Variants in CYYR1 observed in about 807,000 individuals in gnomAD.
CYYR1 encodes the protein cysteine and tyrosine rich 1, also known as cysteine and tyrosine-rich protein 1.
A neutral mutation model predicts 15.2 loss-of-function variants in CYYR1; 14 were observed. The ratio of observed to expected loss-of-function variants is 0.92; its 90% CI spans 0.61 to 1.44. The LOEUF is 1.44. Ranked by LOEUF, CYYR1 falls within the 40% of genes most tolerant of loss-of-function variation. The pLI, the probability that CYYR1 is intolerant of heterozygous loss-of-function variation, is 0.00. For missense variants in CYYR1, 228 were observed against 209.5 expected, an observed-to-expected ratio of 1.09 and a Z score of -0.54; for synonymous variants, 80 against 77.4, an observed-to-expected ratio of 1.03 and a Z score of -0.18.
intron 2 of CYYR1, among the ~76,000 whole-genome samples, chr21:26,512,831 AACCCCTAATGCATATGAATGGG>A (rs998381018): frequency 9.2e-5 from 14 of 152,220 alleles, no homozygotes; most frequent in African/African-American, 2.9e-4. Context: ...AAGGTTGACC[AACCCCTAATGCATATGAATGGG>A]ACCCCTGGAG....
intron 2 of CYYR1, among the ~76,000 whole-genome samples, chr21:26,511,413 C>G (rs576893262): frequency 6.6e-6 from 1 of 152,246 alleles, no homozygotes; most frequent in South Asian, 2.1e-4. Flanking sequence ...GTCATTGGCT[C>G]ACATAGTTCT....
intron 2 of CYYR1, among the ~76,000 whole-genome samples, chr21:26,533,487 A>G (rs1287181903): frequency 6.6e-6 from 1 of 152,100 alleles, no homozygotes; most frequent in Non-Finnish European, 1.5e-5. Flanking sequence ...TGAATGTCCC[A>G]GCTCAGATAG....
intron 1 of CYYR1, among the ~76,000 whole-genome samples, chr21:26,569,468 A>C (rs1251266774): frequency 1.3e-5 from 2 of 152,178 alleles, no homozygotes; most frequent in African/African-American, 2.4e-5. Context: ...GGGAGGGTTG[A>C]AAAACTAACT....
At chr21:26,516,987 C>A (rs1601780798) in intron 2 of CYYR1, among the ~76,000 whole-genome samples, 1 of 149,906 alleles carries the variant, frequency 6.7e-6, no homozygotes, top group East Asian at 1.9e-4. Flanking sequence ...TGGTAGCGGG[C>A]GCCTGTAGTC....
chr21:26,514,700 A>G (rs1442872530), intron 2 of CYYR1, among the ~76,000 whole-genome samples: 3 of 152,214 alleles, frequency 2.0e-5, no homozygotes, highest in Non-Finnish European at 4.4e-5. Context: ...AGAGGGAACT[A>G]ACTTATTTTG....
At chr21:26,527,257 T>C (rs539725513) in intron 2 of CYYR1, among the ~76,000 whole-genome samples, 2 of 152,310 alleles carry the variant, frequency 1.3e-5, no homozygotes, top group South Asian at 2.1e-4. Context: ...CCAAAATAAG[T>C]AGTCTCATCA....
chr21:26,544,680 G>C (rs113366926), intron 2 of CYYR1, among the ~76,000 whole-genome samples: 48 of 152,280 alleles, frequency 3.2e-4, no homozygotes, highest in African/African-American at 1.1e-3. Context: ...AAAGAGAATT[G>C]TATTAAAATT....
At chr21:26,522,293 A>T (rs2065812971) in intron 2 of CYYR1, among the ~76,000 whole-genome samples, 1 of 152,170 alleles carries the variant, frequency 6.6e-6, no homozygotes, top group African/African-American at 2.4e-5. Context: ...AAGTCCCTAA[A>T]ATTATTCGCA....
chr21:26,566,293 T>G lies in CYYR1; in HGVS notation c.149A>C (p.Tyr50Ser). Reference protein sequence around the residue: ...CDGTTPYCCSYYAYIGNILSG... With the variant: ...CDGTTPYCCSSYAYIGNILSG... ...GAGGATATTCCCAATATAAGCGTAG[T>G]AGGAGCAACAGTAGGGCGTGGTTCC... is the stretch of plus-strand genomic sequence containing the variant. The change falls in exon 2 of 4, where the codon TAC (tyrosine) becomes TCC (serine). Residue 50 changes from tyrosine (Y) to serine (S), a missense_variant. By Grantham distance (144) the Tyr-to-Ser change is moderately radical (BLOSUM62 -2). Transcript: ENST00000652641. The G allele has an allele frequency of 6.2e-7, 1 of 1,613,726 alleles. No homozygotes were observed. Among genetic ancestry groups the G allele is most frequent in the East Asian group, 2.2e-5 (1 of 44,862 alleles).
chr21:26,564,597 T>C, intron 2 of CYYR1: 1 of 802,740 alleles, frequency 1.2e-6, no homozygotes, highest in Non-Finnish European at 1.5e-6. Flanking sequence ...CAAGTACATC[T>C]ATAAATTCAA....
chr21:26,531,027 A>G (rs567248239), intron 2 of CYYR1, among the ~76,000 whole-genome samples: 27 of 152,284 alleles, frequency 1.8e-4, no homozygotes, highest in Middle Eastern at 3.4e-3. Flanking sequence ...TGCCAAAGAG[A>G]GAATAACTGT....
intron 1 of CYYR1, among the ~76,000 whole-genome samples, chr21:26,572,217 G>A (rs1308013104): frequency 6.6e-6 from 1 of 152,194 alleles, no homozygotes; most frequent in Non-Finnish European, 1.5e-5. Flanking sequence ...ACCAATGAAA[G>A]GCCATTTGGG....
intron 2 of CYYR1, among the ~76,000 whole-genome samples, chr21:26,546,200 G>A (rs1332971220): frequency 6.6e-6 from 1 of 152,192 alleles, no homozygotes; most frequent in Non-Finnish European, 1.5e-5. Flanking sequence ...TAGTGGTAAT[G>A]TGTAAATATT....
chr21:26,487,619 C>T (rs1015297577), intron 2 of CYYR1, among the ~76,000 whole-genome samples: 5 of 151,950 alleles, frequency 3.3e-5, no homozygotes, highest in African/African-American at 1.2e-4. Flanking sequence ...GCATTTTCTT[C>T]TCTGTTGCTT....
At chr21:26,567,024 AAAAAG>A (rs1018966301) in intron 1 of CYYR1, among the ~76,000 whole-genome samples, 2 of 148,454 alleles carry the variant, frequency 1.3e-5, no homozygotes, top group Non-Finnish European at 3.0e-5. Context: ...AAAAAAAAAA[AAAAAG>A]AGTCTTCTTA....
chr21:26,549,228 C>G (rs1373939022), intron 2 of CYYR1, among the ~76,000 whole-genome samples: 1 of 152,078 alleles, frequency 6.6e-6, no homozygotes, highest in Non-Finnish European at 1.5e-5. Flanking sequence ...TTCATGTACC[C>G]AGAAAACAAT....
intron 2 of CYYR1, 94 bp downstream of exon 2, chr21:26,566,172 G>T: frequency 1.2e-6 from 1 of 854,418 alleles, no homozygotes. Flanking sequence ...GAAATCTCTT[G>T]CCCACAACTA....
At chr21:26,483,487 A>G in intron 2 of CYYR1, 4 of 933,046 alleles carry the variant, frequency 4.3e-6, no homozygotes, top group Non-Finnish European at 5.1e-6. Context: ...GGTGAACTCC[A>G]AAGAACAGGA....
chr21:26,502,284 G>A (rs1174230761), intron 2 of CYYR1, among the ~76,000 whole-genome samples: 1 of 146,322 alleles, frequency 6.8e-6, no homozygotes, highest in Non-Finnish European at 1.5e-5. Flanking sequence ...TATTTGCTAT[G>A]TATAGAATTG....
Sources: allele counts gnomAD v4.1 joint callset (sites outside exome capture counted in the v4.1 genomes callset), GRCh38; gene constraint gnomAD v4.1.1; transcripts MANE v1.5; gene names NCBI Gene and HGNC (gene_info 2026-07-23, HGNC 2026-07-21).